The following RAB38 variants were observed in gnomAD, a reference collection of about 807,000 sequenced individuals.
RAB38 encodes RAB38, member RAS oncogene family.
Under a neutral mutation model 18.4 loss-of-function variants are expected in RAB38, and 15 were observed. That is an observed-to-expected ratio of 0.82 (90% confidence interval 0.55 to 1.26). The LOEUF is 1.26. Among genes scored for constraint, RAB38 ranks in the 50% most tolerant of loss-of-function variants. The probability of loss-of-function intolerance (pLI) is 0.00; values close to 1 mark genes in which losing one functional copy is unlikely to be tolerated. For missense variants in RAB38, 294 were observed against 267.4 expected (o/e 1.10, Z -0.69); for synonymous variants, 101 against 104.4 (o/e 0.97, Z 0.20).
chr11:88,057,111 TA>T, the RAB38 span, among the ~76,000 whole-genome samples: 1 of 152,162 alleles, frequency 6.6e-6, no homozygotes, highest in African/African-American at 2.4e-5. Flanking sequence ...ACACTTACAC[TA>T]AGAGGAACAC....
At chr11:88,145,178 T>C (rs1196465554) in intron 2 of RAB38, among the ~76,000 whole-genome samples, 1 of 151,834 alleles carries the variant, frequency 6.6e-6, no homozygotes, top group Admixed American at 6.6e-5. Flanking sequence ...GGATGGAGTT[T>C]TGCTCAAGTC....
intron 2 of RAB38, among the ~76,000 whole-genome samples, chr11:88,131,527 C>T (rs2134795999): frequency 6.6e-6 from 1 of 152,288 alleles, no homozygotes; most frequent in Admixed American, 6.5e-5. Flanking sequence ...CAGAAGTCTA[C>T]TAAGTAGGGT....
chr11:87,965,946 T>A, the RAB38 span, among the ~76,000 whole-genome samples: 1 of 152,178 alleles, frequency 6.6e-6, no homozygotes, highest in African/African-American at 2.4e-5. Context: ...AACAATGTTA[T>A]GTATCTGCTT....
the RAB38 span, among the ~76,000 whole-genome samples, chr11:88,031,605 A>C: frequency 1.3e-5 from 2 of 151,618 alleles, no homozygotes; most frequent in Non-Finnish European, 2.9e-5. Flanking sequence ...AGAGAGCCAA[A>C]TCATGAGTGA....
chr11:87,931,742 C>G, the RAB38 span, among the ~76,000 whole-genome samples: 1 of 152,086 alleles, frequency 6.6e-6, no homozygotes, highest in Non-Finnish European at 1.5e-5. Context: ...GAACTTTTGA[C>G]ATCTGTAAAC....
At chr11:88,024,596 T>C in the RAB38 span, among the ~76,000 whole-genome samples, 11 of 152,272 alleles carry the variant, frequency 7.2e-5, no homozygotes, top group African/African-American at 2.6e-4. Context: ...ATGTTTGTGG[T>C]AGCTCTGTTC....
chr11:88,151,143 A>G (rs1943059465), intron 1 of RAB38, among the ~76,000 whole-genome samples: 1 of 152,126 alleles, frequency 6.6e-6, no homozygotes. Context: ...TTTCTTAAGC[A>G]CTCTAAGTTT....
At chr11:88,049,626 G>A in the RAB38 span, among the ~76,000 whole-genome samples, 11 of 152,168 alleles carry the variant, frequency 7.2e-5, no homozygotes, top group South Asian at 4.1e-4. Flanking sequence ...TCACATGGAC[G>A]CGCGTGAAAT....
the RAB38 span, among the ~76,000 whole-genome samples, chr11:88,027,235 T>A: frequency 6.6e-6 from 1 of 152,062 alleles, no homozygotes; most frequent in African/African-American, 2.4e-5. Flanking sequence ...GTATTTGAGA[T>A]AACGATCTCA....
At chr11:88,148,245 G>GGCCT (rs1438925911) in intron 2 of RAB38, among the ~76,000 whole-genome samples, 2 of 152,158 alleles carry the variant, frequency 1.3e-5, no homozygotes, top group African/African-American at 4.8e-5. Flanking sequence ...CAAGGAGACA[G>GGCCT]GCATCAAGGC....
chr11:88,150,149 C>T (rs1349764694), intron 1 of RAB38, among the ~76,000 whole-genome samples, 194 bp from the exon 2 acceptor site: 1 of 152,126 alleles, frequency 6.6e-6, no homozygotes, highest in Non-Finnish European at 1.5e-5. Flanking sequence ...GGGAATTCAT[C>T]CATTTAACAA....
chr11:87,971,619 T>C, the RAB38 span, among the ~76,000 whole-genome samples: 1 of 152,114 alleles, frequency 6.6e-6, no homozygotes, highest in Non-Finnish European at 1.5e-5. Context: ...CGCTAACAGC[T>C]TATTTTCACT....
chr11:87,948,249 T>G, the RAB38 span, among the ~76,000 whole-genome samples: 2 of 152,220 alleles, frequency 1.3e-5, no homozygotes, highest in African/African-American at 4.8e-5. Flanking sequence ...TGATTTTGTA[T>G]CCTGAGACTT....
At chr11:88,078,488 T>C in the RAB38 span, among the ~76,000 whole-genome samples, 1 of 140,528 alleles carries the variant, frequency 7.1e-6, no homozygotes, top group Non-Finnish European at 1.5e-5. Context: ...TATATGTATA[T>C]ATGTGTGTAT....
chr11:88,052,523 A>G, the RAB38 span, among the ~76,000 whole-genome samples: 25 of 152,054 alleles, frequency 1.6e-4, no homozygotes, highest in Admixed American at 1.1e-3. Context: ...TTCACTCAAA[A>G]GCTTACTTAG....
At chr11:88,030,457 A>T in the RAB38 span, among the ~76,000 whole-genome samples, 1 of 152,222 alleles carries the variant, frequency 6.6e-6, no homozygotes, top group Non-Finnish European at 1.5e-5. Context: ...TTTTGAAAGG[A>T]TCAACAAAAT....
At chr11:88,018,144 G>A in the RAB38 span, among the ~76,000 whole-genome samples, 7 of 152,132 alleles carry the variant, frequency 4.6e-5, no homozygotes, top group African/African-American at 1.7e-4. Flanking sequence ...GCGTAAAAAC[G>A]GAGTAATGCA....
At chr11:87,969,584 C>T in the RAB38 span, among the ~76,000 whole-genome samples, 1 of 152,008 alleles carries the variant, frequency 6.6e-6, no homozygotes, top group Non-Finnish European at 1.5e-5. Flanking sequence ...TTTGGAACAT[C>T]CAAAGAGGCA....
chr11:87,945,555 C>G, the RAB38 span, among the ~76,000 whole-genome samples: 1 of 151,938 alleles, frequency 6.6e-6, no homozygotes, highest in African/African-American at 2.4e-5. Context: ...AAGGAAGGAG[C>G]AGTAAGGATG....
Sources: gnomAD v4.1 joint callset for allele counts (sites outside exome capture counted in the v4.1 genomes callset) on GRCh38, gnomAD v4.1.1 for gene constraint, MANE v1.5 for transcripts, NCBI Gene and HGNC (gene_info 2026-07-23, HGNC 2026-07-21) for gene names.